XPNPEP2: variants seen among roughly 807,000 people sequenced by gnomAD.
XPNPEP2 encodes xaa-Pro aminopeptidase 2.
XPNPEP2 carries 64 observed loss-of-function variants against 59.8 expected under a neutral mutation model. That is an observed-to-expected ratio of 1.07 (90% CI 0.87 to 1.32). XPNPEP2 has a LOEUF of 1.32. Ranked by LOEUF, XPNPEP2 falls within the 40% of genes most tolerant of loss-of-function variation. The pLI is 0.00. For synonymous variants in XPNPEP2, 235 were observed against 210.0 expected (o/e 1.12, Z -1.03); for missense variants, 575 against 546.8 (o/e 1.05, Z -0.51).
chrX:129,756,423 C>T (rs894333870), intron 13 of XPNPEP2, 61 bp from the exon 14 acceptor site: 26 of 1,137,446 alleles, frequency 2.3e-5, no homozygotes, highest in Admixed American at 4.4e-5. Flanking sequence ...CCCACCAAGG[C>T]CTCCCACGTG....
chrX:129,743,127 A>G (rs1926229228), intron 2 of XPNPEP2, among the ~76,000 whole-genome samples: 1 of 112,312 alleles, frequency 8.9e-6, no homozygotes, highest in Non-Finnish European at 1.9e-5. Flanking sequence ...TCTGCTAGCA[A>G]TATCAACTTT....
intron 10 of XPNPEP2, 101 bp from the exon 11 acceptor site, chrX:129,753,058 T>C (rs954774028): frequency 2.1e-5 from 14 of 659,590 alleles, no homozygotes; most frequent in African/African-American, 1.5e-4. Flanking sequence ...TGGGTCCTCC[T>C]GCCAGTCCTC....
chrX:129,753,307 A>G (rs1057493060), intron 11 of XPNPEP2, 59 bp downstream of exon 11: 2 of 1,062,917 alleles, frequency 1.9e-6, no homozygotes, highest in African/African-American at 3.7e-5. Context: ...ATGAGTTAGA[A>G]AGGAAAGGCC....
intron 8 of XPNPEP2, among the ~76,000 whole-genome samples, chrX:129,750,872 G>A (rs1169774888): frequency 8.9e-6 from 1 of 111,780 alleles, no homozygotes; most frequent in African/African-American, 3.3e-5. Flanking sequence ...ACCAGGAAAT[G>A]CCTCCCAACA....
At chrX:129,757,833 A>T (rs1281527638) in intron 14 of XPNPEP2, among the ~76,000 whole-genome samples, 1 of 87,012 alleles carries the variant, frequency 1.1e-5, no homozygotes, top group Non-Finnish European at 2.2e-5. Context: ...GAAAGAAAGA[A>T]AGAAAGAAAG....
Position 129,768,372 on chromosome X carries a change from T to C in XPNPEP2, c.1912T>C (p.Phe638Leu), listed in dbSNP as rs898433622. ...GCAGAGGCGCCAGCTACTAGAGGAG[T>C]TCGAGTGGCTTCAACAGCACACAGA... ...ELQRRQLLEEFEWLQQHTEPL... is the reference protein window; with the variant it reads ...ELQRRQLLEELEWLQQHTEPL... Residue 638 changes from phenylalanine to leucine, a missense_variant, in exon 21 of 21, where the codon TTC becomes CTC. Transcript: ENST00000371106. The C allele has an allele frequency of 8.3e-7, 1 of 1,208,771 alleles. No homozygotes were observed. The highest frequency in any genetic ancestry group is 1.1e-6 in the Non-Finnish European group (1 of 894,286).
chrX:129,739,301 C>A (rs753930991), intron 1 of XPNPEP2, 39 bp downstream of exon 1: 5 of 1,176,426 alleles, frequency 4.3e-6, no homozygotes, highest in Non-Finnish European at 5.7e-6. Context: ...GCAGCTCTGA[C>A]CTCTCCCCTC....
rs771985916 is a variant in XPNPEP2, at chrX:129,753,632, C to CA, written c.1107+393dup. 9.0e-4 allele frequency among the ~76,000 whole-genome samples: 96 copies of CA among 107,017 alleles called. 2 individuals carry two copies. In the South Asian group the frequency reaches 0.035, roughly 39 times the overall value. 92.9% of individuals were successfully genotyped at this position (107,017 alleles called of 115,157 possible). A position where few individuals can be genotyped will look rare whatever the true frequency, so the allele number is the denominator to read the frequency against. On this transcript the variant is annotated intron_variant, in intron 11 of 20. Coordinates refer to ENST00000371106, the MANE Select transcript of XPNPEP2 (RefSeq NM_003399.6). ...CACTCCAGCCTGGGCGAGACTAGGTCAAAAAAAAAGAAAGAAAGAAAGAAA... is the reference window on the plus strand; with the variant it reads ...CACTCCAGCCTGGGCGAGACTAGGTCAAAAAAAAAAGAAAGAAAGAAAGAAA...
chrX:129,760,711 A>G (rs1190483893), intron 16 of XPNPEP2, 130 bp downstream of exon 16: 2 of 693,679 alleles, frequency 2.9e-6, no homozygotes, highest in Non-Finnish European at 2.2e-6. Context: ...GAGAAAATCC[A>G]GCCTAGAGAG....
chrX:129,763,040 T>C (rs907966790), intron 19 of XPNPEP2, among the ~76,000 whole-genome samples: 5 of 111,956 alleles, frequency 4.5e-5, no homozygotes, highest in Non-Finnish European at 7.5e-5. Context: ...CCCTATATCA[T>C]TGGTTCTCAA....
intron 14 of XPNPEP2, 102 bp from the exon 15 acceptor site, chrX:129,759,078 C>A: frequency 1.0e-6 from 1 of 977,586 alleles, no homozygotes; most frequent in Non-Finnish European, 1.5e-6. Context: ...CGCCGTCCAC[C>A]CATCCCATCC....
Position 129,752,220 on chromosome X carries a change from A to G in XPNPEP2, c.892A>G (p.Met298Val). The G allele has an allele frequency of 8.3e-7, 1 of 1,203,462 alleles. No homozygotes were observed. Among genetic ancestry groups the G allele is most frequent in the Non-Finnish European group, 1.1e-6 (1 of 890,862 alleles). ...TCTGAACTCCAGTTGCACAGGCCCC[A>G]TGTGTGTGCAAATCGAGGATTACAG... ...SYLNSSCTGP[M>V]CVQIEDYSQV... Residue 298 changes from methionine (M) to valine (V), a missense_variant, in exon 10 of 21, where the codon ATG (methionine) becomes GTG (valine). By Grantham distance (21) the Met-to-Val change is conservative. Coordinates refer to ENST00000371106, the MANE Select transcript of XPNPEP2 (RefSeq NM_003399.6).
intron 9 of XPNPEP2, 46 bp from the exon 10 acceptor site, chrX:129,752,104 C>T: frequency 8.5e-7 from 1 of 1,178,687 alleles, no homozygotes; most frequent in Non-Finnish European, 1.1e-6. Context: ...TCCTTTGCAT[C>T]CTTAGCAGAT....
At chrX:129,743,827 G>T in intron 2 of XPNPEP2, 134 bp from the exon 3 acceptor site, 1 of 553,995 alleles carries the variant, frequency 1.8e-6, no homozygotes, top group Non-Finnish European at 3.0e-6. Flanking sequence ...AGCCAGGCCA[G>T]CCTAACTTCC....
At chrX:129,757,843 G>GAAAT in intron 14 of XPNPEP2, among the ~76,000 whole-genome samples, 1 of 83,063 alleles carries the variant, frequency 1.2e-5, no homozygotes, top group Non-Finnish European at 2.3e-5. Flanking sequence ...AAGAAAGAAA[G>GAAAT]AAAGAAAGAA....
intron 12 of XPNPEP2, 56 bp downstream of exon 12, chrX:129,754,637 G>A: frequency 9.6e-7 from 1 of 1,043,211 alleles, no homozygotes; most frequent in Non-Finnish European, 1.3e-6. Context: ...GGCAGTGGGG[G>A]CAGGGAGGGG....
chrX:129,767,485 G>A, intron 19 of XPNPEP2, 118 bp from the exon 20 acceptor site: 1 of 718,070 alleles, frequency 1.4e-6, no homozygotes, highest in South Asian at 2.3e-5. Flanking sequence ...GGGTGTCCAG[G>A]GTTGATGAGG....
chrX:129,752,459 A>G (rs1038948173), intron 10 of XPNPEP2, 114 bp downstream of exon 10: 1 of 821,910 alleles, frequency 1.2e-6, no homozygotes, highest in Non-Finnish European at 1.7e-6. Flanking sequence ...TGGTCAGCCA[A>G]CAACTGTGCA....
Position 129,759,995 on chromosome X carries a change from TCAGCAGCCGTCACAACCA to T in XPNPEP2, c.1429-513_1429-496del, listed in dbSNP as rs199582892. ...CCCTCATGAAAGGCCTTAAGAAAAC[TCAGCAGCCGTCACAACCA>T]CAGGAATGAGTGTGCTAAACTTCCG... On this transcript the variant is annotated intron_variant, in intron 15 of 20. Transcript: ENST00000371106. Among the ~76,000 whole-genome samples the T allele has an allele frequency of 6.3e-5, 7 of 111,821 alleles. No homozygotes were observed. The East Asian group carries it at 2.0e-3, about 32-fold the overall frequency.
Sources: gnomAD v4.1 joint callset for allele counts (sites outside exome capture counted in the v4.1 genomes callset) on GRCh38, gnomAD v4.1.1 for gene constraint, MANE v1.5 for transcripts, NCBI Gene and HGNC (gene_info 2026-07-23, HGNC 2026-07-21) for gene names.